DHX15: variants seen among roughly 807,000 people sequenced by gnomAD.
DHX15 encodes the protein ATP-dependent RNA helicase DHX15.
A neutral mutation model predicts 94.4 loss-of-function variants in DHX15; 11 were observed. That is an observed-to-expected ratio of 0.12 (90% confidence interval 0.07 to 0.19). The LOEUF (loss-of-function observed/expected upper bound fraction) is 0.19, where lower values mean the gene tolerates loss of function less well. Among genes scored for constraint, DHX15 ranks in the 10% least tolerant of loss-of-function variants. The probability of loss-of-function intolerance (pLI) is 1.00; values close to 1 mark genes in which losing one functional copy is unlikely to be tolerated. For synonymous variants in DHX15, 338 were observed against 329.9 expected (o/e 1.02, Z -0.27); for missense variants, 304 against 988.5 (o/e 0.31, Z 9.29).
intron 2 of DHX15, among the ~76,000 whole-genome samples, chr4:24,575,975 G>T (rs1639194127): frequency 6.6e-6 from 1 of 152,112 alleles, no homozygotes; most frequent in African/African-American, 2.4e-5. Flanking sequence ...CCCTAAATCT[G>T]TACTGTCCGG....
At chr4:24,533,405 G>C in intron 11 of DHX15, 1 of 289,554 alleles carries the variant, frequency 3.5e-6, no homozygotes, top group East Asian at 7.6e-5. Context: ...GTCATGGCCT[G>C]TTCATTTTCA....
intron 6 of DHX15, among the ~76,000 whole-genome samples, chr4:24,548,010 C>CT (rs1258650293): frequency 3.4e-4 from 50 of 148,092 alleles, no homozygotes; most frequent in African/African-American, 1.0e-3. Flanking sequence ...TCAAAGATGT[C>CT]TTCCCAGCCC....
chr4:24,548,707 A>G, intron 6 of DHX15, 148 bp downstream of exon 6: 1 of 712,910 alleles, frequency 1.4e-6, no homozygotes, highest in Non-Finnish European at 2.1e-6. Context: ...GGGTCAAGAG[A>G]TATGCGGAAC....
intron 6 of DHX15, among the ~76,000 whole-genome samples, chr4:24,547,024 A>C (rs1469657643): frequency 1.3e-5 from 2 of 152,192 alleles, no homozygotes; most frequent in South Asian, 4.1e-4. Context: ...GAAAACTTTA[A>C]ATTTGTGCTT....
chr4:24,559,486 A>C (rs1721817007), intron 3 of DHX15, among the ~76,000 whole-genome samples: 1 of 152,130 alleles, frequency 6.6e-6, no homozygotes, highest in Non-Finnish European at 1.5e-5. Context: ...AACTCAGGAA[A>C]GGCAGAATCA....
At position 24,533,259 on chromosome 4, in the gene DHX15, G is replaced by C. The variant is rs188446500; in HGVS notation, c.1910-205C>G. The C allele has an allele frequency of 4.7e-3, 2,737 of 578,350 alleles. 20 individuals are homozygous for C. Among genetic ancestry groups the C allele is most frequent in the South Asian group, 0.012 (530 of 44,832 alleles). The allele number at this position is 578,350 out of a possible 1,614,324, so 35.8% of individuals were successfully genotyped here. Reference sequence around the variant, plus strand: ...ATTCAACATTAGAAACAGTAACAAGGCTTTTGGATTTGGATGCCAAAACAA... The same window carrying C: ...ATTCAACATTAGAAACAGTAACAAGCCTTTTGGATTTGGATGCCAAAACAA... On this transcript the variant is annotated intron_variant, in intron 11 of 13. Coordinates refer to ENST00000336812, the MANE Select transcript of DHX15 (RefSeq NM_001358.3).
Position 24,537,030 on chromosome 4 carries a change from TC to T in DHX15, c.1909+20del. 2 of 1,609,370 alleles carry T rather than the reference TC, an allele frequency of 1.2e-6. No homozygotes were observed. The highest frequency in any genetic ancestry group is 2.2e-5 in the South Asian group (2 of 90,510). On this transcript the variant is annotated intron_variant, in intron 11 of 13. Transcript: ENST00000336812. This position sits in a 1 kb window ranked among gnomAD's most constrained non-coding sequence, Gnocchi z 4.7. ...CAAGTGACATTTAGACAAGAGTGTCTCCAATCAAATTTACACTTACTTTGTT... is the reference window on the plus strand; with the variant it reads ...CAAGTGACATTTAGACAAGAGTGTCTCAATCAAATTTACACTTACTTTGTT...
intron 3 of DHX15, among the ~76,000 whole-genome samples, chr4:24,569,182 T>C (rs563045623): frequency 1.9e-4 from 29 of 152,218 alleles, no homozygotes; most frequent in Non-Finnish European, 2.9e-4. Flanking sequence ...AATTATTTGG[T>C]ATCTAAGACT....
chr4:24,537,284 C>T lies in DHX15; in HGVS notation c.1787-111G>A. On this transcript the variant is annotated intron_variant, in intron 10 of 13. Coordinates refer to ENST00000336812, the MANE Select transcript of DHX15 (RefSeq NM_001358.3). This position sits in a 1 kb window ranked among gnomAD's most constrained non-coding sequence, Gnocchi z 4.7. ...TCAGTTCACAGAGCATAGGGCAGGG[C>T]AGGATGGCCTCCAACTGCATCTTGG... 1 of 1,431,054 alleles carries T rather than the reference C, an allele frequency of 7.0e-7. No individual in the cohort carries two copies. The allele number at this position is 1,431,054 out of a possible 1,614,324, so 88.6% of individuals were successfully genotyped here.
At chr4:24,536,180 T>A (rs1318349130) in intron 11 of DHX15, among the ~76,000 whole-genome samples, 1 of 152,172 alleles carries the variant, frequency 6.6e-6, no homozygotes, top group African/African-American at 2.4e-5. Flanking sequence ...GTTTTTCAGG[T>A]CACTAAATAT....
chr4:24,572,921 T>A (rs989610128), intron 2 of DHX15, among the ~76,000 whole-genome samples: 10 of 152,298 alleles, frequency 6.6e-5, no homozygotes, highest in Admixed American at 3.9e-4. Context: ...TTTTTGTTTT[T>A]TTCTTTTAAG....
At chr4:24,568,320 T>A (rs753945983) in intron 3 of DHX15, among the ~76,000 whole-genome samples, 26 of 152,224 alleles carry the variant, frequency 1.7e-4, no homozygotes, top group Non-Finnish European at 3.4e-4. Context: ...AAGTTACATT[T>A]GAAATTTTTA....
intron 7 of DHX15, among the ~76,000 whole-genome samples, chr4:24,542,418 T>A (rs1721331383): frequency 6.6e-6 from 1 of 152,128 alleles, no homozygotes. Context: ...AATGAAAAAA[T>A]TTCCATCAAT....
chr4:24,543,405 T>C (rs1243819036), intron 6 of DHX15, among the ~76,000 whole-genome samples: 1 of 152,148 alleles, frequency 6.6e-6, no homozygotes, highest in African/African-American at 2.4e-5. Context: ...TCCACAAGTG[T>C]ATATTTCAAT....
chr4:24,548,775 A>G, intron 6 of DHX15, 80 bp downstream of exon 6: 1 of 1,324,946 alleles, frequency 7.5e-7, no homozygotes, highest in Non-Finnish European at 1.0e-6. Context: ...CCCATAACTT[A>G]GTCCTTTATA....
chr4:24,547,931 A>ATC (rs1721478652), intron 6 of DHX15, among the ~76,000 whole-genome samples: 17 of 36,324 alleles, frequency 4.7e-4, no homozygotes, highest in African/African-American at 2.2e-3. Flanking sequence ...ATATATATAT[A>ATC]TATATATATA....
At chr4:24,549,124 T>G in intron 5 of DHX15, 102 bp from the exon 6 acceptor site, 1 of 919,466 alleles carries the variant, frequency 1.1e-6, no homozygotes, top group Non-Finnish European at 1.5e-6. Flanking sequence ...CCATCTTCTT[T>G]CACTTCATGG....
At chr4:24,561,833 GCTT>G (rs745724270) in intron 3 of DHX15, among the ~76,000 whole-genome samples, 11 of 152,082 alleles carry the variant, frequency 7.2e-5, no homozygotes, top group Non-Finnish European at 1.3e-4. Flanking sequence ...AGGTAACTAT[GCTT>G]ATTACCCGAG....
intron 1 of DHX15, among the ~76,000 whole-genome samples, chr4:24,580,123 G>A (rs1181443967): frequency 6.6e-6 from 1 of 152,140 alleles, no homozygotes; most frequent in Non-Finnish European, 1.5e-5. Context: ...ATTCTACATG[G>A]AGGGCAAGAC....
Sources: gnomAD v4.1 joint callset for allele counts (sites outside exome capture counted in the v4.1 genomes callset) on GRCh38, gnomAD v4.1.1 for gene constraint, Gnocchi (gnomAD v3.1) non-coding constraint, MANE v1.5 for transcripts, NCBI Gene and HGNC (gene_info 2026-07-23, HGNC 2026-07-21) for gene names.